The following ROBO1 variants were observed in gnomAD, a reference collection of about 807,000 sequenced individuals.
ROBO1 encodes the protein roundabout homolog 1.
In ROBO1, 149 loss-of-function variants were observed where a neutral mutation model predicts 195.9. The ratio of observed to expected loss-of-function variants is 0.76; its 90% CI spans 0.67 to 0.87. The LOEUF (loss-of-function observed/expected upper bound fraction) is 0.87, where lower values mean the gene tolerates loss of function less well. Among genes scored for constraint, ROBO1 ranks in the 40% least tolerant of loss-of-function variants. ROBO1 has a pLI of 0.00. For missense variants in ROBO1, 1,933 were observed against 2,068.3 expected (o/e 0.93, Z 1.27); for synonymous variants, 816 against 733.2 (o/e 1.11, Z -1.82).
intron 2 of ROBO1, among the ~76,000 whole-genome samples, chr3:79,411,353 A>G (rs1280324444): frequency 6.6e-6 from 1 of 152,150 alleles, no homozygotes; most frequent in Non-Finnish European, 1.5e-5. Context: ...TTAATGATCA[A>G]ATTGTGGAGG....
At chr3:79,659,451 G>T (rs933943106) in intron 1 of ROBO1, among the ~76,000 whole-genome samples, 4 of 151,902 alleles carry the variant, frequency 2.6e-5, no homozygotes, top group Non-Finnish European at 1.5e-5. Flanking sequence ...TTTGTTATGG[G>T]ATCATCACCC....
chr3:78,662,235 T>G, intron 14 of ROBO1, 121 bp from the exon 15 acceptor site: 2 of 766,198 alleles, frequency 2.6e-6, no homozygotes, highest in Non-Finnish European at 3.7e-6. Flanking sequence ...CAAGCCAGGC[T>G]GTGATTCGGA....
intron 1 of ROBO1, among the ~76,000 whole-genome samples, chr3:79,649,456 A>G (rs1051671963): frequency 2.0e-5 from 3 of 152,124 alleles, no homozygotes; most frequent in African/African-American, 4.8e-5. Context: ...TAATTGAATT[A>G]AAATTCTAAA....
At chr3:78,771,683 C>T (rs551347081) in intron 4 of ROBO1, among the ~76,000 whole-genome samples, 1 of 151,998 alleles carries the variant, frequency 6.6e-6, no homozygotes, top group Non-Finnish European at 1.5e-5. Flanking sequence ...CTGCATTATT[C>T]ATTTGGCACT....
intron 3 of ROBO1, among the ~76,000 whole-genome samples, chr3:79,111,707 AAAG>A (rs2079890681): frequency 6.6e-6 from 1 of 152,282 alleles, no homozygotes; most frequent in Admixed American, 6.5e-5. Flanking sequence ...CTAGACCAGA[AAAG>A]AAGAAAATAA....
intron 2 of ROBO1, among the ~76,000 whole-genome samples, chr3:79,213,334 T>C (rs2081998851): frequency 1.3e-5 from 2 of 152,206 alleles, no homozygotes; most frequent in South Asian, 4.1e-4. Flanking sequence ...TTATTTGAAC[T>C]TAAATTGTAT....
intron 2 of ROBO1, among the ~76,000 whole-genome samples, chr3:79,293,911 A>T (rs2032414653): frequency 6.6e-6 from 1 of 150,874 alleles, no homozygotes; most frequent in Non-Finnish European, 1.5e-5. Flanking sequence ...ACAAAAAATT[A>T]GCCGGGCGTG....
At chr3:79,480,658 A>G (rs1037307947) in intron 2 of ROBO1, among the ~76,000 whole-genome samples, 1 of 152,148 alleles carries the variant, frequency 6.6e-6, no homozygotes, top group Non-Finnish European at 1.5e-5. Context: ...TAACAAATAT[A>G]AATTATTAAG....
chr3:78,627,626 T>G lies in ROBO1; in HGVS notation c.3627-57A>C, dbSNP rs192185236. 175 of 1,500,640 alleles carry G rather than the reference T, an allele frequency of 1.2e-4. 1 individual carries two copies. In the African/African-American group the frequency reaches 2.1e-3, roughly 18 times the overall value. The allele number at this position is 1,500,640 out of a possible 1,614,324, so 93.0% of individuals were successfully genotyped here. A position where few individuals can be genotyped will look rare whatever the true frequency, so the allele number is the denominator to read the frequency against. On this transcript the variant is annotated intron_variant, in intron 25 of 30. Coordinates refer to ENST00000464233, the MANE Select transcript of ROBO1 (RefSeq NM_002941.4). ...CTTCAGGTTATTCAAATAAACTATT[T>G]GGATAGTAATGAAATGTCACCTTTA...
At chr3:78,842,349 TATATATTTTTATATATATGAGCC>T (rs2033301591) in intron 4 of ROBO1, among the ~76,000 whole-genome samples, 3 of 97,438 alleles carry the variant, frequency 3.1e-5, no homozygotes, top group African/African-American at 4.2e-5. Context: ...ATATGAGCCA[TATATATTTTTATATATATGAGCC>T]ATATATATTT....
At chr3:79,602,240 CA>C (rs1944360141) in intron 1 of ROBO1, among the ~76,000 whole-genome samples, 1 of 151,854 alleles carries the variant, frequency 6.6e-6, no homozygotes. Context: ...GTAAGAGAGA[CA>C]TTAATGAAAT....
At chr3:79,172,643 C>A (rs1157818920) in intron 2 of ROBO1, among the ~76,000 whole-genome samples, 1 of 151,720 alleles carries the variant, frequency 6.6e-6, no homozygotes, top group South Asian at 2.1e-4. Context: ...TGTGTGTATA[C>A]CATTATTTTC....
chr3:79,478,967 T>C (rs1938686855), intron 2 of ROBO1, among the ~76,000 whole-genome samples: 1 of 152,170 alleles, frequency 6.6e-6, no homozygotes, highest in South Asian at 2.1e-4. Context: ...AAGAGTATAA[T>C]ATGTACTCCA....
intron 4 of ROBO1, among the ~76,000 whole-genome samples, chr3:78,918,064 G>T (rs1169327342): frequency 6.6e-6 from 1 of 152,146 alleles, no homozygotes; most frequent in Non-Finnish European, 1.5e-5. Context: ...ATTAACTGAC[G>T]CTGAATAACA....
intron 3 of ROBO1, among the ~76,000 whole-genome samples, chr3:79,118,863 C>CAA (rs532805479): frequency 1.4e-4 from 10 of 69,694 alleles, no homozygotes; most frequent in East Asian, 5.0e-4. Context: ...GACTCCAACT[C>CAA]AAAAAAAAAA....
At chr3:78,944,052 A>G (rs1213403784) in intron 3 of ROBO1, among the ~76,000 whole-genome samples, 1 of 152,202 alleles carries the variant, frequency 6.6e-6, no homozygotes, top group African/African-American at 2.4e-5. Flanking sequence ...AACCACTACT[A>G]ATTATCCACC....
intron 5 of ROBO1, among the ~76,000 whole-genome samples, chr3:78,739,413 G>A (rs766495458): frequency 2.0e-5 from 3 of 151,968 alleles, no homozygotes; most frequent in Non-Finnish European, 4.4e-5. Flanking sequence ...TGAAATGTGT[G>A]CAGCTAATGA....
At chr3:78,788,694 T>G (rs1419088718) in intron 4 of ROBO1, among the ~76,000 whole-genome samples, 3 of 152,030 alleles carry the variant, frequency 2.0e-5, no homozygotes, top group Non-Finnish European at 4.4e-5. Flanking sequence ...GTTTTGTTTT[T>G]TAAAAAAGCA....
At chr3:79,502,230 T>C (rs1017671516) in intron 2 of ROBO1, among the ~76,000 whole-genome samples, 4 of 152,130 alleles carry the variant, frequency 2.6e-5, no homozygotes, top group Non-Finnish European at 5.9e-5. Context: ...CAGAGCCCGC[T>C]CCCTCAGCTT....
Sources: gnomAD v4.1 joint callset for allele counts (sites outside exome capture counted in the v4.1 genomes callset) on GRCh38, gnomAD v4.1.1 for gene constraint, MANE v1.5 for transcripts, NCBI Gene and HGNC (gene_info 2026-07-23, HGNC 2026-07-21) for gene names.